Variants in PYHIN1 observed in about 807,000 individuals in gnomAD.
The protein encoded by PYHIN1 is pyrin and HIN domain family member 1.
A neutral mutation model predicts 43.7 loss-of-function variants in PYHIN1; 32 were observed. The observed-to-expected ratio is 0.73, with a 90% CI of 0.55 to 0.98. The LOEUF (loss-of-function observed/expected upper bound fraction) is 0.98, where lower values mean the gene tolerates loss of function less well. Among genes scored for constraint, PYHIN1 ranks in the 50% least tolerant of loss-of-function variants. The pLI, the probability that PYHIN1 is intolerant of heterozygous loss-of-function variation, is 0.00. For synonymous variants in PYHIN1, 205 were observed against 203.1 expected, an observed-to-expected ratio of 1.01 and a Z score of -0.08; for missense variants, 588 against 589.5, an observed-to-expected ratio of 1.00 and a Z score of 0.03.
In PYHIN1 at chr1:158,944,466, A is replaced by T. The variant is rs1208245906; in HGVS notation, c.1192-409A>T. 2.0e-5 allele frequency among the ~76,000 whole-genome samples: 3 copies of T among 152,232 alleles called. No homozygotes were observed. In the East Asian group the frequency reaches 5.8e-4, roughly 29 times the overall value. On this transcript the variant is annotated intron_variant, in intron 6 of 8. Coordinates refer to ENST00000368140, the MANE Select transcript of PYHIN1 (RefSeq NM_152501.5). ...TGCTCTTAACAAGGTAAAGACAGAC[A>T]TTGGAAAGACTTCAGGCAGAGAAAA...
intron 8 of PYHIN1, among the ~76,000 whole-genome samples, chr1:158,974,840 T>C (rs571714572): frequency 6.6e-6 from 1 of 152,104 alleles, no homozygotes; most frequent in Admixed American, 6.6e-5. Context: ...ATGGAACGCA[T>C]ATGTAGTCAT....
At chr1:158,951,656 T>A (rs2101680623) in intron 7 of PYHIN1, among the ~76,000 whole-genome samples, 1 of 152,328 alleles carries the variant, frequency 6.6e-6, no homozygotes, top group South Asian at 2.1e-4. Flanking sequence ...CTTTTGTAGT[T>A]AAAACATTTA....
In PYHIN1 at chr1:158,944,964, CA is replaced by C; in HGVS notation, c.1282del (p.Ser428AlafsTer67). 6.2e-7 allele frequency: 1 copy of C among 1,613,850 alleles called. No individual in the cohort carries two copies. The highest frequency in any genetic ancestry group is 8.5e-7 in the Non-Finnish European group (1 of 1,179,862). On this transcript the variant is annotated frameshift_variant, in exon 7 of 9. Transcript: ENST00000368140. LOFTEE classifies it high-confidence loss of function. ...GTCAGCATCCAAAACCTTCAGAGGC[CA>C]GCACAACCCTACCTGAAAGCCATCT... Reference protein sequence around the residue: ...QSQHPKPSEASTTLPESHLKT... With the variant: ...QSQHPKPSEAXTTLPESHLKT...
rs1287739723 is a variant in PYHIN1, at chr1:158,937,107, T to C, written c.197T>C (p.Ile66Thr). The change falls in exon 2 of 9, where the codon ATA (isoleucine) becomes ACA (threonine). Residue 66 changes from isoleucine to threonine, a missense_variant. Coordinates refer to ENST00000368140, the MANE Select transcript of PYHIN1 (RefSeq NM_152501.5). ...FPGDAGLGKL[I>T]EFFKEIPTLG... ...GGTGATGCCGGTTTGGGCAAACTAATAGAATTCTTCAAAGAAATACCAACA... is the reference window on the plus strand; with the variant it reads ...GGTGATGCCGGTTTGGGCAAACTAACAGAATTCTTCAAAGAAATACCAACA... 1 of 1,613,054 alleles carries C rather than the reference T, an allele frequency of 6.2e-7. No homozygotes were observed. The highest frequency in any genetic ancestry group is 8.5e-7 in the Non-Finnish European group (1 of 1,179,696).
At chr1:158,937,309 A>G in intron 2 of PYHIN1, 134 bp downstream of exon 2, 1 of 944,484 alleles carries the variant, frequency 1.1e-6, no homozygotes, top group Non-Finnish European at 1.5e-6. Context: ...CAATGTTGGT[A>G]CTTCAGATGC....
chr1:158,945,203 C>T, intron 7 of PYHIN1, 161 bp downstream of exon 7: 1 of 631,532 alleles, frequency 1.6e-6, no homozygotes, highest in Non-Finnish European at 2.6e-6. Context: ...GAGATACTAC[C>T]ACATGATAGT....
At chr1:158,984,971 G>T in the PYHIN1 span, among the ~76,000 whole-genome samples, 1 of 151,766 alleles carries the variant, frequency 6.6e-6, no homozygotes, top group African/African-American at 2.4e-5. Context: ...AAATAAAAGA[G>T]CAACCCCTGC....
At chr1:158,937,661 ACT>A (rs1263128142) in intron 2 of PYHIN1, among the ~76,000 whole-genome samples, 2 of 152,126 alleles carry the variant, frequency 1.3e-5, no homozygotes, top group African/African-American at 4.8e-5. Context: ...ATTAAAACAA[ACT>A]CAGCCTGGCG....
chr1:158,951,905 G>C (rs902924757), intron 7 of PYHIN1, among the ~76,000 whole-genome samples: 6 of 152,266 alleles, frequency 3.9e-5, no homozygotes, highest in Admixed American at 3.3e-4. Flanking sequence ...AGAGATAACA[G>C]TGGCCATTAT....
intron 7 of PYHIN1, among the ~76,000 whole-genome samples, chr1:158,953,591 A>T (rs1411325044): frequency 2.0e-5 from 3 of 151,660 alleles, no homozygotes; most frequent in African/African-American, 7.3e-5. Context: ...CACACCAAAA[A>T]CCCTTCTGTA....
chr1:158,954,481 AT>A (rs1168286851), intron 7 of PYHIN1, among the ~76,000 whole-genome samples: 1 of 148,084 alleles, frequency 6.8e-6, no homozygotes, highest in Non-Finnish European at 1.5e-5. Flanking sequence ...TCAACCCAGA[AT>A]TTCATATCCA....
rs190257805 is a variant in PYHIN1, at chr1:158,970,021, G to A, written c.1360-3626G>A. Among the ~76,000 whole-genome samples, 4 of 151,920 alleles carry A rather than the reference G, an allele frequency of 2.6e-5. No individual in the cohort carries two copies. In the East Asian group the frequency reaches 7.7e-4, roughly 29 times the overall value. ...AAGCCTTGCCCATTTACTCATCAAGGGTTCACTCAAAAATTTGTGTATGAT... is the reference window on the plus strand; with the variant it reads ...AAGCCTTGCCCATTTACTCATCAAGAGTTCACTCAAAAATTTGTGTATGAT... On this transcript the variant is annotated intron_variant, in intron 7 of 8. Coordinates refer to ENST00000368140, the MANE Select transcript of PYHIN1 (RefSeq NM_152501.5).
intron 5 of PYHIN1, 60 bp from the exon 6 acceptor site, chr1:158,943,730 T>C (rs958282372): frequency 7.7e-7 from 1 of 1,302,548 alleles, no homozygotes; most frequent in Non-Finnish European, 1.1e-6. Flanking sequence ...ACAAGAGACT[T>C]TCCTATATGC....
chr1:158,932,294 G>A (rs937128505), intron 1 of PYHIN1, among the ~76,000 whole-genome samples: 4 of 151,630 alleles, frequency 2.6e-5, no homozygotes, highest in African/African-American at 4.9e-5. Flanking sequence ...GTAGACGCTG[G>A]GGACTGCTTG....
At chr1:158,951,955 C>A (rs955538357) in intron 7 of PYHIN1, among the ~76,000 whole-genome samples, 4 of 152,080 alleles carry the variant, frequency 2.6e-5, no homozygotes, top group East Asian at 1.9e-4. Flanking sequence ...TTTCTTAAAT[C>A]TTAGCATAGA....
chr1:158,976,042 G>A (rs1651237632), intron 8 of PYHIN1, among the ~76,000 whole-genome samples: 1 of 152,086 alleles, frequency 6.6e-6, no homozygotes, highest in Non-Finnish European at 1.5e-5. Context: ...CCTCATAACA[G>A]TCCTAAATTA....
At chr1:158,932,555 G>A (rs1016060893) in intron 1 of PYHIN1, among the ~76,000 whole-genome samples, 2 of 151,942 alleles carry the variant, frequency 1.3e-5, no homozygotes, top group Admixed American at 6.6e-5. Context: ...TGTATTTTAC[G>A]GTATCTCAAT....
chr1:158,965,461 T>C (rs1452899305), intron 7 of PYHIN1, among the ~76,000 whole-genome samples: 3 of 152,134 alleles, frequency 2.0e-5, no homozygotes, highest in Admixed American at 1.3e-4. Flanking sequence ...TACTGCCACA[T>C]AGCACACACT....
rs768821250 is a variant in PYHIN1 at position 158,939,097 on chromosome 1, T to C, written c.429T>C (p.Ser143=). The change falls in exon 4 of 9, where the codon TCT becomes TCC. Residue 143 remains serine, a synonymous_variant. Coordinates refer to ENST00000368140, the MANE Select transcript of PYHIN1 (RefSeq NM_152501.5). ...ACTTGTAGAAAAGAAAAAAACCATCTGAAGAAGAGACTGGAACCAAAAGGA... is the reference window on the plus strand; with the variant it reads ...ACTTGTAGAAAAGAAAAAAACCATCCGAAGAAGAGACTGGAACCAAAAGGA... ...TLGPQKRKKP[S]EEETGTKRSK... 8 of 1,587,542 alleles carry C rather than the reference T, an allele frequency of 5.0e-6. No individual in the cohort carries two copies. Among genetic ancestry groups the C allele is most frequent in the Non-Finnish European group, 6.0e-6 (7 of 1,172,934 alleles).
Sources: gnomAD v4.1 joint callset for allele counts (sites outside exome capture counted in the v4.1 genomes callset) on GRCh38, gnomAD v4.1.1 for gene constraint, MANE v1.5 for transcripts, NCBI Gene and HGNC (gene_info 2026-07-23, HGNC 2026-07-21) for gene names.